The following ARID1A variants were observed in gnomAD, a reference collection of about 807,000 sequenced individuals.
ARID1A encodes AT-rich interaction domain 1A, also known as AT-rich interactive domain-containing protein 1A.
Under a neutral mutation model 212.6 loss-of-function variants are expected in ARID1A, and 20 were observed. That is an observed-to-expected ratio of 0.09 (90% CI 0.07 to 0.14). The LOEUF (loss-of-function observed/expected upper bound fraction) is 0.14. Ranked by LOEUF, ARID1A falls within the 10% of genes least tolerant of loss-of-function variation. ARID1A has a pLI of 1.00. For synonymous variants in ARID1A, 1,376 were observed against 1,222.1 expected, an observed-to-expected ratio of 1.13 and a Z score of -2.63; for missense variants, 2,587 against 3,059.0, an observed-to-expected ratio of 0.85 and a Z score of 3.64.
At position 26,763,139 on chromosome 1, in the gene ARID1A, C is replaced by T. The variant is rs2124069248; in HGVS notation, c.2586C>T (p.Ser862=). The stretch of plus-strand genomic sequence containing the variant: ...CTCCAGGGAGGATGAGTCACGCCTC[C>T]ATGGGCAACCGGCCTTATGGCCCTA... ...TLPPGRMSHA[S]MGNRPYGPNM... Residue 862 remains serine, a synonymous_variant, in exon 8 of 20, where the codon TCC becomes TCT. Transcript: ENST00000324856. 6.2e-7 allele frequency: 1 copy of T among 1,614,284 alleles called. No individual in the cohort carries two copies. Among genetic ancestry groups the T allele is most frequent in the Non-Finnish European group, 8.5e-7 (1 of 1,180,048 alleles).
chr1:26,712,176 T>G (rs750223483), intron 1 of ARID1A, among the ~76,000 whole-genome samples: 3 of 152,222 alleles, frequency 2.0e-5, no homozygotes, highest in Non-Finnish European at 2.9e-5. Flanking sequence ...AAAATGCCAC[T>G]TAAAGGTCAG....
At chr1:26,734,657 G>A (rs771075697) in intron 4 of ARID1A, among the ~76,000 whole-genome samples, 1 of 152,104 alleles carries the variant, frequency 6.6e-6, no homozygotes, top group Non-Finnish European at 1.5e-5. Context: ...TTGCTACTTG[G>A]GCAGGCATCA....
At chr1:26,777,533 CG>C (rs2081147829) in intron 19 of ARID1A, among the ~76,000 whole-genome samples, 1 of 151,948 alleles carries the variant, frequency 6.6e-6, no homozygotes, top group Admixed American at 6.6e-5. Context: ...TTCCAGGCCC[CG>C]GATAACTTCT....
chr1:26,728,110 AT>A (rs1417155700), intron 1 of ARID1A, among the ~76,000 whole-genome samples: 1 of 152,238 alleles, frequency 6.6e-6, no homozygotes, highest in African/African-American at 2.4e-5. Context: ...TACTTTAATA[AT>A]ATTGACATGT....
At chr1:26,728,570 T>C (rs1004329897) in intron 1 of ARID1A, among the ~76,000 whole-genome samples, 2 of 152,228 alleles carry the variant, frequency 1.3e-5, no homozygotes, top group African/African-American at 2.4e-5. Flanking sequence ...TTTCAAGTGA[T>C]TCTGATGCAT....
In ARID1A at chr1:26,781,219, A is replaced by G. The variant is rs2081191841; in HGVS notation, c.*463A>G. ...GAAGGACAAAAAAGGTGACTGCTGAACTGTGTGTGGTTTATTGTTGTACAT... is the reference window on the plus strand; with the variant it reads ...GAAGGACAAAAAAGGTGACTGCTGAGCTGTGTGTGGTTTATTGTTGTACAT... On this transcript the variant is annotated 3_prime_UTR_variant, in exon 20 of 20. Transcript: ENST00000324856. 1 of 239,616 alleles carries G rather than the reference A, an allele frequency of 4.2e-6. No homozygotes were observed. Among genetic ancestry groups the G allele is most frequent in the Non-Finnish European group, 8.2e-6 (1 of 121,934 alleles). 14.8% of individuals were successfully genotyped at this position (239,616 alleles called of 1,614,324 possible).
At chr1:26,759,296 G>C (rs2080969551) in intron 4 of ARID1A, among the ~76,000 whole-genome samples, 1 of 152,038 alleles carries the variant, frequency 6.6e-6, no homozygotes, top group Non-Finnish European at 1.5e-5. Context: ...TCCTCCTCCT[G>C]GGCTTAAGTG....
At chr1:26,701,554 G>A (rs1404757461) in intron 1 of ARID1A, among the ~76,000 whole-genome samples, 1 of 152,102 alleles carries the variant, frequency 6.6e-6, no homozygotes, top group Non-Finnish European at 1.5e-5. Flanking sequence ...TGTGACCCTG[G>A]GCAGGTCATT....
At chr1:26,705,037 A>C (rs1229053407) in intron 1 of ARID1A, among the ~76,000 whole-genome samples, 1 of 152,054 alleles carries the variant, frequency 6.6e-6, no homozygotes, top group Non-Finnish European at 1.5e-5. Context: ...TCATCAGTGG[A>C]TGCTTAACAG....
chr1:26,773,919 T>C (rs2124115544), intron 17 of ARID1A, 21 bp downstream of exon 17: 1 of 1,609,606 alleles, frequency 6.2e-7, no homozygotes, highest in South Asian at 1.1e-5. Context: ...TAGCTGGGAA[T>C]GGACTGGCAT....
chr1:26,778,533 C>T (rs564187820), intron 19 of ARID1A: 1 of 153,060 alleles, frequency 6.5e-6, no homozygotes, highest in African/African-American at 2.4e-5. Context: ...GGAGTTCCAG[C>T]CCCCTGGACT....
chr1:26,702,784 C>T (rs2080343718), intron 1 of ARID1A, among the ~76,000 whole-genome samples: 1 of 152,130 alleles, frequency 6.6e-6, no homozygotes, highest in South Asian at 2.1e-4. Context: ...AGTGAAACCT[C>T]TGTGGCCCTG....
rs140476492 is a variant in ARID1A, at chr1:26,763,445, G to T, written c.2732+160G>T. Among the ~76,000 whole-genome samples the T allele has an allele frequency of 4.5e-4, 68 of 152,298 alleles. 1 individual carries two copies. The highest frequency in any genetic ancestry group is 8.7e-4 in the Non-Finnish European group (59 of 68,020). ...ACCTTAGATGGGTCTGAAATTTCAC[G>T]TGACTAAACATCATATGTAATGAGC... On this transcript the variant is annotated intron_variant, in intron 8 of 19. Transcript: ENST00000324856.
intron 1 of ARID1A, chr1:26,729,056 T>G (rs2080647567): frequency 6.5e-6 from 1 of 153,002 alleles, no homozygotes; most frequent in Non-Finnish European, 1.5e-5. Flanking sequence ...ATCTTCAAAC[T>G]CTTGAATATT....
chr1:26,735,702 A>ATG (rs2080722816), intron 4 of ARID1A, among the ~76,000 whole-genome samples: 1 of 152,198 alleles, frequency 6.6e-6, no homozygotes, highest in Non-Finnish European at 1.5e-5. Flanking sequence ...GGGCCCAAGA[A>ATG]TGTGCATTTC....
At chr1:26,765,942 T>C in intron 8 of ARID1A, 1 of 350,100 alleles carries the variant, frequency 2.9e-6, no homozygotes, top group East Asian at 4.9e-5. Flanking sequence ...CTCAGGAGGC[T>C]GAGGAAGGCA....
intron 16 of ARID1A, 38 bp from the exon 17 acceptor site, chr1:26,773,764 C>G (rs763012732): frequency 1.2e-6 from 2 of 1,614,104 alleles, no homozygotes; most frequent in Non-Finnish European, 1.7e-6. Context: ...GGCTTCGCCA[C>G]TGCCCACCCT....
At chr1:26,731,866 T>G (rs1026116873) in intron 3 of ARID1A, among the ~76,000 whole-genome samples, 10 of 152,200 alleles carry the variant, frequency 6.6e-5, no homozygotes, top group African/African-American at 2.2e-4. Flanking sequence ...TTAAAGATAA[T>G]GGGACTGGTT....
intron 1 of ARID1A, among the ~76,000 whole-genome samples, chr1:26,718,711 A>G (rs950745351): frequency 3.9e-5 from 6 of 152,190 alleles, no homozygotes; most frequent in African/African-American, 1.4e-4. Flanking sequence ...AATAATGACA[A>G]GAAAAAAAGT....
Sources: allele counts gnomAD v4.1 joint callset (sites outside exome capture counted in the v4.1 genomes callset), GRCh38; gene constraint gnomAD v4.1.1; transcripts MANE v1.5; gene names NCBI Gene and HGNC (gene_info 2026-07-23, HGNC 2026-07-21).